The following ARHGEF26 variants were observed in gnomAD, a reference collection of about 807,000 sequenced individuals.
The protein encoded by ARHGEF26 is Rho guanine nucleotide exchange factor 26.
Under a neutral mutation model 89.4 loss-of-function variants are expected in ARHGEF26, and 59 were observed. The ratio of observed to expected loss-of-function variants is 0.66; its 90% CI spans 0.54 to 0.82. The LOEUF (loss-of-function observed/expected upper bound fraction) is 0.82, where lower values mean the gene tolerates loss of function less well. Among genes scored for constraint, ARHGEF26 ranks in the 40% least tolerant of loss-of-function variants. The probability of loss-of-function intolerance (pLI) is 0.00; values close to 1 mark genes in which losing one functional copy is unlikely to be tolerated. For synonymous variants in ARHGEF26, 500 were observed against 428.4 expected, an observed-to-expected ratio of 1.17 and a Z score of -2.06; for missense variants, 1,234 against 1,085.6, an observed-to-expected ratio of 1.14 and a Z score of -1.92.
chr3:154,179,757 ATACTGGATGTTGGT>A (rs1341554835), intron 6 of ARHGEF26, among the ~76,000 whole-genome samples: 1 of 152,210 alleles, frequency 6.6e-6, no homozygotes, highest in African/African-American at 2.4e-5. Context: ...CCGTATGCAG[ATACTGGATGTTGGT>A]TACTGGGAAT....
chr3:154,190,387 T>C (rs958072812), intron 7 of ARHGEF26, among the ~76,000 whole-genome samples: 26 of 152,200 alleles, frequency 1.7e-4, no homozygotes, highest in Non-Finnish European at 4.4e-5. Context: ...CACACACCTG[T>C]AATCCCAGTT....
At chr3:154,141,628 C>T (rs1719391611) in intron 4 of ARHGEF26, among the ~76,000 whole-genome samples, 1 of 152,146 alleles carries the variant, frequency 6.6e-6, no homozygotes, top group South Asian at 2.1e-4. Flanking sequence ...TAACCATGGT[C>T]TTTATCAGCA....
intron 4 of ARHGEF26, among the ~76,000 whole-genome samples, chr3:154,143,118 T>G (rs888206567): frequency 6.6e-5 from 10 of 152,184 alleles, no homozygotes; most frequent in African/African-American, 2.4e-4. Flanking sequence ...TTAGTTTTTG[T>G]TATTCGAAGT....
At chr3:154,134,030 G>C (rs781187506) in intron 4 of ARHGEF26, among the ~76,000 whole-genome samples, 5 of 152,060 alleles carry the variant, frequency 3.3e-5, no homozygotes, top group African/African-American at 4.8e-5. Flanking sequence ...AGTGATCTTT[G>C]CACATCGATT....
intron 6 of ARHGEF26, among the ~76,000 whole-genome samples, chr3:154,154,501 T>G (rs1257123700): frequency 6.6e-6 from 1 of 152,086 alleles, no homozygotes; most frequent in Non-Finnish European, 1.5e-5. Flanking sequence ...CAATTATACC[T>G]CAATAAAGCT....
intron 9 of ARHGEF26, among the ~76,000 whole-genome samples, chr3:154,209,958 C>T (rs1303938069): frequency 6.6e-6 from 1 of 152,204 alleles, no homozygotes; most frequent in Non-Finnish European, 1.5e-5. Context: ...CCACTCAAAC[C>T]ACAAGATGCA....
At chr3:154,163,467 C>G (rs911639093) in intron 6 of ARHGEF26, among the ~76,000 whole-genome samples, 4 of 152,124 alleles carry the variant, frequency 2.6e-5, no homozygotes, top group African/African-American at 9.7e-5. Flanking sequence ...TTCAAAAATA[C>G]ATATATATTG....
intron 11 of ARHGEF26, among the ~76,000 whole-genome samples, chr3:154,240,062 A>G (rs576139642): frequency 8.5e-5 from 13 of 152,320 alleles, no homozygotes; most frequent in Admixed American, 7.2e-4. Flanking sequence ...CTGCTGGAGC[A>G]TGACCAAGAT....
chr3:154,190,853 T>C (rs1713911771), intron 7 of ARHGEF26, among the ~76,000 whole-genome samples: 1 of 152,248 alleles, frequency 6.6e-6, no homozygotes, highest in Non-Finnish European at 1.5e-5. Flanking sequence ...TAATTTCTTA[T>C]GCCATTGTCT....
Position 154,149,423 on chromosome 3 carries a change from A to AGGAG in ARHGEF26, c.1306_1309dup (p.Glu437GlyfsTer11). On this transcript the variant is annotated frameshift_variant, in exon 5 of 15. Coordinates refer to ENST00000465093, the MANE Select transcript of ARHGEF26 (RefSeq NM_015595.4). LOFTEE classifies it high-confidence loss of function. ...AAGGGATTATCTCAGACAGTAAGCC[A>AGGAG]GGAGGAAAGAAAGAGACAAGAGGTA... 1 of 1,608,866 alleles carries AGGAG rather than the reference A, an allele frequency of 6.2e-7. No individual in the cohort carries two copies. The highest frequency in any genetic ancestry group is 8.5e-7 in the Non-Finnish European group (1 of 1,177,358).
In ARHGEF26 at chr3:154,194,517, C is replaced by T. The variant is rs1576762188; in HGVS notation, c.1771-127C>T. ...TTTTAAATTGGGTTTTAATATTATC[C>T]TCATACTCATCCGTAATATCGTGTT... On this transcript the variant is annotated intron_variant, in intron 8 of 14. Transcript: ENST00000465093. 1.7e-5 allele frequency: 11 copies of T among 661,998 alleles called. No homozygotes were observed. The East Asian group carries it at 3.0e-4, about 18-fold the overall frequency. 41.0% of individuals were successfully genotyped at this position (661,998 alleles called of 1,614,324 possible). A position where few individuals can be genotyped will look rare whatever the true frequency, so the allele number is the denominator to read the frequency against.
Position 154,187,772 on chromosome 3 carries a change from A to T in ARHGEF26, c.1575A>T (p.Thr525=), listed in dbSNP as rs1388713695. The T allele has an allele frequency of 6.2e-7, 1 of 1,612,402 alleles. No homozygotes were observed. The highest frequency in any genetic ancestry group is 1.7e-5 in the Admixed American group (1 of 59,894). Residue 525 remains threonine (T), a synonymous_variant, in exon 7 of 15, where the codon ACA becomes ACT. Coordinates refer to ENST00000465093, the MANE Select transcript of ARHGEF26 (RefSeq NM_015595.4). ...TTGTGGAAAAACACACAGCATCCAC[A>T]TTTGACCCATATGTGAAATACTGCA... The part of the protein sequence containing the change: ...SDIVEKHTAS[T]FDPYVKYCTN...
chr3:154,253,062 C>T, intron 12 of ARHGEF26, 54 bp from the exon 13 acceptor site: 1 of 1,593,850 alleles, frequency 6.3e-7, no homozygotes, highest in African/African-American at 1.3e-5. Flanking sequence ...GAAAACACTC[C>T]ATTCTGTGTT....
intron 5 of ARHGEF26, among the ~76,000 whole-genome samples, chr3:154,151,565 G>A (rs1356267647): frequency 2.0e-5 from 3 of 152,066 alleles, no homozygotes; most frequent in African/African-American, 7.2e-5. Context: ...AATTCAATAC[G>A]CAGGTTAAAT....
At chr3:154,240,083 A>G (rs1717397532) in intron 11 of ARHGEF26, among the ~76,000 whole-genome samples, 1 of 152,180 alleles carries the variant, frequency 6.6e-6, no homozygotes, top group Non-Finnish European at 1.5e-5. Flanking sequence ...GCATGTAAGG[A>G]TGCAAGGATC....
At chr3:154,237,639 G>A (rs1319143972) in intron 11 of ARHGEF26, among the ~76,000 whole-genome samples, 1 of 151,748 alleles carries the variant, frequency 6.6e-6, no homozygotes, top group East Asian at 1.9e-4. Flanking sequence ...AATTCTATTG[G>A]GATGACTTGA....
chr3:154,225,661 T>C (rs1333787052), intron 10 of ARHGEF26, 195 bp from the exon 11 acceptor site: 5 of 443,686 alleles, frequency 1.1e-5, no homozygotes, highest in Admixed American at 8.6e-5. Context: ...GTGGAAGATA[T>C]ATTGTTCTTT....
chr3:154,201,751 C>A (rs1202084112), intron 9 of ARHGEF26, among the ~76,000 whole-genome samples: 3 of 152,144 alleles, frequency 2.0e-5, no homozygotes, highest in Non-Finnish European at 4.4e-5. Flanking sequence ...TCTCTGATAG[C>A]CAGTGATGAT....
intron 11 of ARHGEF26, among the ~76,000 whole-genome samples, chr3:154,230,693 CAG>C (rs1716778039): frequency 6.6e-6 from 1 of 152,124 alleles, no homozygotes; most frequent in South Asian, 2.1e-4. Flanking sequence ...ACATTTAAGA[CAG>C]GAGATTTCTA....
Sources: allele counts gnomAD v4.1 joint callset (sites outside exome capture counted in the v4.1 genomes callset), GRCh38; gene constraint gnomAD v4.1.1; transcripts MANE v1.5; gene names NCBI Gene and HGNC (gene_info 2026-07-23, HGNC 2026-07-21).